Variants in ETV6 observed in about 807,000 individuals in gnomAD.
ETV6 encodes ETS variant transcription factor 6, also known as transcription factor ETV6.
Under a neutral mutation model 51.1 loss-of-function variants are expected in ETV6, and 16 were observed. The ratio of observed to expected loss-of-function variants is 0.31; its 90% confidence interval spans 0.21 to 0.48. ETV6 has a LOEUF of 0.48. Among genes scored for constraint, ETV6 ranks in the 20% least tolerant of loss-of-function variants. The pLI, the probability that ETV6 is intolerant of heterozygous loss-of-function variation, is 0.99. For synonymous variants in ETV6, 240 were observed against 224.1 expected (o/e 1.07, Z -0.64); for missense variants, 458 against 594.8 (o/e 0.77, Z 2.39).
At chr12:11,745,164 T>C (rs927463545) in intron 1 of ETV6, among the ~76,000 whole-genome samples, 1 of 152,196 alleles carries the variant, frequency 6.6e-6, no homozygotes, top group African/African-American at 2.4e-5. Context: ...TATTTGGAGC[T>C]GTTCTACCCA....
rs147345945 is a variant in ETV6 at position 11,731,963 on chromosome 12, C to T, written c.34-20487C>T. Among the ~76,000 whole-genome samples, 1,444 of 152,290 alleles carry T rather than the reference C, an allele frequency of 9.5e-3. 18 individuals carry two copies. The highest frequency in any genetic ancestry group is 0.027 in the Middle Eastern group (8 of 294). ...TTTAGTACTGAAAACCCCACATCCC[C>T]GGAACCCCTTCAGTCCCAGACAAAC... On this transcript the variant is annotated intron_variant, in intron 1 of 7. Coordinates refer to ENST00000396373, the MANE Select transcript of ETV6 (RefSeq NM_001987.5).
chr12:11,715,586 C>T (rs2120902152), intron 1 of ETV6, among the ~76,000 whole-genome samples: 1 of 152,352 alleles, frequency 6.6e-6, no homozygotes, highest in African/African-American at 2.4e-5. Flanking sequence ...CTACGCTGTG[C>T]CATCTACTCC....
rs1325275621 is a variant in ETV6, at chr12:11,869,108, C to T, written c.464-316C>T. Among the ~76,000 whole-genome samples the T allele has an allele frequency of 2.6e-5, 4 of 151,864 alleles. No homozygotes were observed. The highest frequency in any genetic ancestry group is 6.6e-5 in the Admixed American group (1 of 15,254). ...AAAATTAGCCGAGCATGGTGGTGGG[C>T]GCCTGTAGTCCCAGCTACTCGGGAG... On this transcript the variant is annotated intron_variant, in intron 4 of 7. Transcript: ENST00000396373. The surrounding 1 kb of genome is among the most constrained non-coding windows in gnomAD (Gnocchi z 5.0).
intron 3 of ETV6, among the ~76,000 whole-genome samples, chr12:11,839,724 T>G (rs887794823): frequency 1.3e-5 from 2 of 151,942 alleles, no homozygotes; most frequent in African/African-American, 4.8e-5. Context: ...TACAGAAATT[T>G]TAAAAATTAG....
chr12:11,839,862 A>G (rs1946365542), intron 3 of ETV6, among the ~76,000 whole-genome samples: 1 of 152,244 alleles, frequency 6.6e-6, no homozygotes, highest in Non-Finnish European at 1.5e-5. Context: ...CCCAGGTGAC[A>G]GAGCGAGAAC....
rs567909328 is a variant in ETV6, at chr12:11,754,234, T to C, written c.163+1655T>C. Among the ~76,000 whole-genome samples, 10 of 152,340 alleles carry C rather than the reference T, an allele frequency of 6.6e-5. No homozygotes were observed. In the South Asian group the frequency reaches 2.1e-3, roughly 32 times the overall value. ...ATTGCCTCTGCTGTGCCCGGCACTC[T>C]TCTGTGTCCTGGGGGTGCAGAAATG... On this transcript the variant is annotated intron_variant, in intron 2 of 7. Coordinates refer to ENST00000396373, the MANE Select transcript of ETV6 (RefSeq NM_001987.5).
chr12:11,742,474 A>T (rs1001599059), intron 1 of ETV6, among the ~76,000 whole-genome samples: 3 of 152,152 alleles, frequency 2.0e-5, no homozygotes, highest in Non-Finnish European at 4.4e-5. Flanking sequence ...TCTGGAAAAA[A>T]TTTTTTTAAA....
At chr12:11,689,016 T>G (rs1309898627) in intron 1 of ETV6, among the ~76,000 whole-genome samples, 3 of 152,110 alleles carry the variant, frequency 2.0e-5, no homozygotes, top group African/African-American at 7.2e-5. Context: ...ACAGGCTACT[T>G]ACTGCATCTA....
intron 1 of ETV6, among the ~76,000 whole-genome samples, chr12:11,728,594 C>T (rs1389817032): frequency 6.6e-6 from 1 of 152,066 alleles, no homozygotes; most frequent in Non-Finnish European, 1.5e-5. Flanking sequence ...TCCACCAAAC[C>T]AGTCCCTGGT....
chr12:11,833,459 C>T (rs997790186), intron 2 of ETV6, among the ~76,000 whole-genome samples: 11 of 152,016 alleles, frequency 7.2e-5, no homozygotes, highest in East Asian at 3.9e-4. Flanking sequence ...GCTGAACTAC[C>T]GTGAAACTTT....
At chr12:11,779,499 C>T (rs1945381455) in intron 2 of ETV6, among the ~76,000 whole-genome samples, 1 of 152,168 alleles carries the variant, frequency 6.6e-6, no homozygotes. Flanking sequence ...CTAAAAATAG[C>T]CTCCATACCG....
At chr12:11,841,627 G>A (rs560943262) in intron 3 of ETV6, among the ~76,000 whole-genome samples, 1 of 152,326 alleles carries the variant, frequency 6.6e-6, no homozygotes, top group East Asian at 1.9e-4. Flanking sequence ...TATTCACCAA[G>A]CAACTCTATG....
rs78053111 is a variant in ETV6, at chr12:11,650,453, C to T, written c.33+293C>T. On this transcript the variant is annotated intron_variant, in intron 1 of 7. Transcript: ENST00000396373. ...GAGCAACCCGGATTGTCTCCAGAAC[C>T]GTAAAACACCCCCGTAATTAGTGCG... Among the ~76,000 whole-genome samples the T allele has an allele frequency of 0.026, 2,789 of 107,724 alleles. 56 individuals carry two copies. Among genetic ancestry groups the T allele is most frequent in the East Asian group, 0.12 (407 of 3,268 alleles). 70.7% of individuals were successfully genotyped at this position (107,724 alleles called of 152,430 possible).
intron 1 of ETV6, among the ~76,000 whole-genome samples, chr12:11,666,779 C>A (rs1365794147): frequency 1.3e-5 from 2 of 152,250 alleles, no homozygotes; most frequent in Admixed American, 1.3e-4. Flanking sequence ...GAAACCGTCA[C>A]AAGTTTTCCT....
At chr12:11,730,031 C>T (rs1239790590) in intron 1 of ETV6, among the ~76,000 whole-genome samples, 1 of 152,110 alleles carries the variant, frequency 6.6e-6, no homozygotes, top group East Asian at 1.9e-4. Context: ...TTTTTCTGTG[C>T]AAGCGAAAAT....
intron 1 of ETV6, among the ~76,000 whole-genome samples, chr12:11,671,714 A>G (rs1359215881): frequency 4.6e-5 from 7 of 152,214 alleles, no homozygotes; most frequent in Admixed American, 4.6e-4. Flanking sequence ...TAAGTGACCT[A>G]CTGAAGGTCC....
intron 3 of ETV6, among the ~76,000 whole-genome samples, chr12:11,852,056 A>G (rs1354765567): frequency 6.6e-6 from 1 of 152,210 alleles, no homozygotes; most frequent in African/African-American, 2.4e-5. Context: ...CTGACTGCAT[A>G]TCTGTGTGTG....
intron 2 of ETV6, among the ~76,000 whole-genome samples, chr12:11,809,541 C>T (rs1183017156): frequency 2.0e-5 from 3 of 152,160 alleles, no homozygotes; most frequent in Non-Finnish European, 4.4e-5. Flanking sequence ...TTACCTCGAA[C>T]TGTATATTTG....
intron 2 of ETV6, among the ~76,000 whole-genome samples, chr12:11,835,354 T>G (rs2136458241): frequency 6.6e-6 from 1 of 152,348 alleles, no homozygotes; most frequent in Middle Eastern, 3.4e-3. Flanking sequence ...GTCTCTCTCC[T>G]TCTCTCCTTT....
Sources: gnomAD v4.1 joint callset for allele counts (sites outside exome capture counted in the v4.1 genomes callset) on GRCh38, gnomAD v4.1.1 for gene constraint, Gnocchi (gnomAD v3.1) non-coding constraint, MANE v1.5 for transcripts, NCBI Gene and HGNC (gene_info 2026-07-23, HGNC 2026-07-21) for gene names.